ARK2N: variants seen among roughly 807,000 people sequenced by gnomAD.
ARK2N encodes protein ARK2N.
chr18:46,184,760 T>A, the ARK2N span, among the ~76,000 whole-genome samples: 1 of 152,096 alleles, frequency 6.6e-6, no homozygotes, highest in Non-Finnish European at 1.5e-5. Context: ...TTTAGGAAGA[T>A]GAGTATTATG....
chr18:46,194,466 G>GTT, the ARK2N span, among the ~76,000 whole-genome samples: 1,681 of 137,948 alleles, frequency 0.012, 62 homozygotes, highest in East Asian at 0.13. Context: ...TCTTTTTTTT[G>GTT]TTTTTTTTTT....
the ARK2N span, among the ~76,000 whole-genome samples, chr18:46,184,956 G>A: frequency 4.6e-5 from 7 of 152,306 alleles, no homozygotes; most frequent in South Asian, 1.4e-3. Flanking sequence ...TATTCTAAAT[G>A]TAAGGAAACA....
the ARK2N span, among the ~76,000 whole-genome samples, chr18:46,215,139 T>G: frequency 6.6e-6 from 1 of 152,122 alleles, no homozygotes; most frequent in African/African-American, 2.4e-5. Flanking sequence ...GGCAACATGG[T>G]GAAATCCTGT....
chr18:46,190,330 A>C, the ARK2N span, among the ~76,000 whole-genome samples: 1 of 151,520 alleles, frequency 6.6e-6, no homozygotes. Flanking sequence ...GACCAGCCTG[A>C]CCAACATGGA....
the ARK2N span, among the ~76,000 whole-genome samples, chr18:46,196,909 A>T: frequency 3.3e-5 from 5 of 152,306 alleles, no homozygotes; most frequent in Admixed American, 3.3e-4. Flanking sequence ...GAGTGCCCTC[A>T]TGGAATGGTG....
the ARK2N span, among the ~76,000 whole-genome samples, chr18:46,244,042 A>AGT: frequency 1.3e-5 from 2 of 152,224 alleles, no homozygotes; most frequent in African/African-American, 4.8e-5. Flanking sequence ...GAAATTACCC[A>AGT]GTGTGTTTAT....
chr18:46,262,990 A>C, the ARK2N span: 1 of 1,614,178 alleles, frequency 6.2e-7, no homozygotes, highest in Non-Finnish European at 8.5e-7. Flanking sequence ...TGGCTCGGGC[A>C]CGCAGTATGT....
At chr18:46,207,607 C>G in the ARK2N span, among the ~76,000 whole-genome samples, 74 of 152,144 alleles carry the variant, frequency 4.9e-4, no homozygotes, top group South Asian at 1.9e-3. Flanking sequence ...CTAGGCTGGT[C>G]TTGAACTCCT....
chr18:46,265,279 C>T, the ARK2N span: 1 of 152,662 alleles, frequency 6.6e-6, no homozygotes, highest in African/African-American at 2.4e-5. Context: ...AGGGCAGAGG[C>T]CCATTTTAAT....
chr18:46,259,814 T>TGTGTG, the ARK2N span, among the ~76,000 whole-genome samples: 161 of 22,766 alleles, frequency 7.1e-3, 1 homozygote, highest in Middle Eastern at 0.022. Flanking sequence ...GTGTGTGTGT[T>TGTGTG]TGACAGAGAT....
At chr18:46,259,885 C>CTGTG in the ARK2N span, among the ~76,000 whole-genome samples, 2 of 81,596 alleles carry the variant, frequency 2.5e-5, no homozygotes, top group Admixed American at 1.3e-4. Context: ...ATCCTCCCGT[C>CTGTG]TGTGTGTGTG....
the ARK2N span, chr18:46,218,137 A>T: frequency 1.3e-5 from 2 of 152,136 alleles, no homozygotes; most frequent in African/African-American, 4.8e-5. Context: ...TAAAGTCAGA[A>T]CCCTATTGTA....
chr18:46,181,344 T>G, the ARK2N span, among the ~76,000 whole-genome samples: 1 of 152,214 alleles, frequency 6.6e-6, no homozygotes, highest in African/African-American at 2.4e-5. Context: ...GTTCATGTAT[T>G]AAGTTCTGAT....
At chr18:46,264,258 G>A in the ARK2N span, 3 of 152,548 alleles carry the variant, frequency 2.0e-5, no homozygotes, top group African/African-American at 7.2e-5. Flanking sequence ...GGAGCTTCAG[G>A]GAATTCAGGA....
chr18:46,183,080 TA>T, the ARK2N span, among the ~76,000 whole-genome samples: 192 of 140,652 alleles, frequency 1.4e-3, no homozygotes, highest in Admixed American at 1.6e-3. Flanking sequence ...CTTACCACAC[TA>T]AAAAAAAAAA....
chr18:46,180,720 A>G, the ARK2N span, among the ~76,000 whole-genome samples: 1 of 152,040 alleles, frequency 6.6e-6, no homozygotes, highest in Non-Finnish European at 1.5e-5. Flanking sequence ...AAAAACAACA[A>G]TAAAAACAAA....
At chr18:46,262,778 A>T in the ARK2N span, 2 of 760,508 alleles carry the variant, frequency 2.6e-6, no homozygotes, top group Admixed American at 5.2e-5. Context: ...GGAGACAGAG[A>T]TGGAGGGAAG....
chr18:46,255,601 G>T, the ARK2N span, among the ~76,000 whole-genome samples: 1 of 151,302 alleles, frequency 6.6e-6, no homozygotes, highest in African/African-American at 2.4e-5. Flanking sequence ...ACAGGCATGC[G>T]CCACCACGCT....
chr18:46,219,941 A>G, the ARK2N span, among the ~76,000 whole-genome samples: 1 of 152,218 alleles, frequency 6.6e-6, no homozygotes, highest in Admixed American at 6.5e-5. Flanking sequence ...TAAATAATGG[A>G]CATTAGCCTT....
Sources: allele counts gnomAD v4.1 joint callset (sites outside exome capture counted in the v4.1 genomes callset), GRCh38; gene constraint gnomAD v4.1.1; transcripts MANE v1.5; gene names NCBI Gene and HGNC (gene_info 2026-07-23, HGNC 2026-07-21).